CDH12: variants seen among roughly 807,000 people sequenced by gnomAD.
CDH12 encodes cadherin 12, also known as cadherin-12.
A neutral mutation model predicts 74.1 loss-of-function variants in CDH12; 41 were observed. The ratio of observed to expected loss-of-function variants is 0.55; its 90% CI spans 0.43 to 0.72. CDH12 has a LOEUF of 0.72. Among genes scored for constraint, CDH12 ranks in the 30% least tolerant of loss-of-function variants. The probability of loss-of-function intolerance (pLI) is 0.00; values close to 1 mark genes in which losing one functional copy is unlikely to be tolerated. For missense variants in CDH12, 945 were observed against 977.2 expected, an observed-to-expected ratio of 0.97 and a Z score of 0.44; for synonymous variants, 399 against 355.0, an observed-to-expected ratio of 1.12 and a Z score of -1.39.
At chr5:22,562,881 A>T in intron 1 of CDH12, among the ~76,000 whole-genome samples, 1 of 148,450 alleles carries the variant, frequency 6.7e-6, no homozygotes, top group East Asian at 1.9e-4. Flanking sequence ...TATAAATTTA[A>T]ATTTATATAT....
chr5:22,218,568 G>A (rs1056338848), intron 3 of CDH12, among the ~76,000 whole-genome samples: 2 of 151,716 alleles, frequency 1.3e-5, no homozygotes, highest in Non-Finnish European at 3.0e-5. Flanking sequence ...CTGGTTGGAG[G>A]TGAATGAAGT....
chr5:22,756,280 A>T (rs1000507467), intron 1 of CDH12, among the ~76,000 whole-genome samples: 8 of 152,118 alleles, frequency 5.3e-5, no homozygotes, highest in African/African-American at 1.9e-4. Flanking sequence ...CGGTTGTAAC[A>T]AATCCATCGT....
intron 1 of CDH12, among the ~76,000 whole-genome samples, chr5:22,536,862 A>T (rs1484024685): frequency 6.6e-6 from 1 of 152,078 alleles, no homozygotes; most frequent in Non-Finnish European, 1.5e-5. Context: ...CTGCACAAAA[A>T]CTTCTCCTTA....
chr5:22,382,787 C>G (rs1245464712), intron 3 of CDH12, among the ~76,000 whole-genome samples: 1 of 151,760 alleles, frequency 6.6e-6, no homozygotes, highest in Non-Finnish European at 1.5e-5. Flanking sequence ...AGTGTTGAGA[C>G]TGAATCGACC....
intron 1 of CDH12, among the ~76,000 whole-genome samples, chr5:22,690,861 T>G (rs898592428): frequency 2.0e-4 from 30 of 152,270 alleles, no homozygotes; most frequent in African/African-American, 7.2e-4. Flanking sequence ...CTTTTCACTA[T>G]TTCTCATGAG....
chr5:22,505,304 C>T lies in CDH12; in HGVS notation c.-462G>A. 2.0e-6 allele frequency: 2 copies of T among 985,012 alleles called. No individual in the cohort carries two copies. The highest frequency in any genetic ancestry group is 2.4e-6 in the Non-Finnish European group (2 of 829,654). 61.0% of individuals were successfully genotyped at this position (985,012 alleles called of 1,614,324 possible). ...GGCTGGCATTCTTTAAAACTCCCAA[C>T]TGCTCCTGGGTTCCAGCTTGTCTAT... is the stretch of plus-strand genomic sequence containing the variant. On this transcript the variant is annotated 5_prime_UTR_variant, in exon 2 of 15. Transcript: ENST00000382254.
At chr5:22,734,156 G>T (rs1282854930) in intron 1 of CDH12, among the ~76,000 whole-genome samples, 1 of 151,928 alleles carries the variant, frequency 6.6e-6, no homozygotes, top group Non-Finnish European at 1.5e-5. Flanking sequence ...TCCAGCTTCT[G>T]CACAATAGAC....
intron 2 of CDH12, among the ~76,000 whole-genome samples, chr5:22,483,748 C>CTATATATATATATATAACTATATA (rs1746474141): frequency 4.4e-5 from 1 of 22,764 alleles, no homozygotes; most frequent in Non-Finnish European, 9.0e-5. Flanking sequence ...TCTTTCAAAA[C>CTATATATATATATATAACTATATA]TATATATATA....
At chr5:21,765,978 G>T (rs1554027818) in intron 11 of CDH12, among the ~76,000 whole-genome samples, 1 of 152,028 alleles carries the variant, frequency 6.6e-6, no homozygotes, top group Non-Finnish European at 1.5e-5. Flanking sequence ...TAAATGAATG[G>T]GGAGTTTAGA....
At chr5:22,699,270 G>T (rs1026544367) in intron 1 of CDH12, among the ~76,000 whole-genome samples, 2 of 151,926 alleles carry the variant, frequency 1.3e-5, no homozygotes, top group Non-Finnish European at 2.9e-5. Context: ...TTAATGTTGT[G>T]GTTTAACTTA....
chr5:22,767,510 A>G (rs973121203), intron 1 of CDH12, among the ~76,000 whole-genome samples: 4 of 151,914 alleles, frequency 2.6e-5, no homozygotes, highest in Non-Finnish European at 4.4e-5. Flanking sequence ...ACAAAACTCA[A>G]CCCAGTCATA....
rs117696434 is a variant in CDH12, at chr5:22,045,202, G to C, written c.231+33244C>G. Among the ~76,000 whole-genome samples, 201 of 152,210 alleles carry C rather than the reference G, an allele frequency of 1.3e-3. 5 individuals are homozygous for C. In the East Asian group the frequency reaches 0.037, roughly 28 times the overall value. On this transcript the variant is annotated intron_variant, in intron 5 of 14. Coordinates refer to ENST00000382254, the MANE Select transcript of CDH12 (RefSeq NM_004061.5). ...TGTATGTGATGAAATGCTTAATATA[G>C]CTAATCATAAGAGAAAGCAAATCAA...
chr5:21,754,390 T>C (rs1254720812), intron 14 of CDH12, among the ~76,000 whole-genome samples: 2 of 152,164 alleles, frequency 1.3e-5, no homozygotes, highest in Non-Finnish European at 2.9e-5. Flanking sequence ...ACCTAAATGA[T>C]CTTGTTAAAT....
chr5:22,125,082 G>A (rs1418163848), intron 4 of CDH12, among the ~76,000 whole-genome samples: 3 of 151,850 alleles, frequency 2.0e-5, no homozygotes, highest in Non-Finnish European at 2.9e-5. Flanking sequence ...TTCAAGATTC[G>A]GGGTTTGATA....
intron 2 of CDH12, among the ~76,000 whole-genome samples, chr5:22,443,635 G>A (rs189050613): frequency 1.9e-3 from 293 of 151,866 alleles, no homozygotes; most frequent in Non-Finnish European, 3.3e-3. Flanking sequence ...TGATACAAAC[G>A]CATAAAAATA....
intron 5 of CDH12, among the ~76,000 whole-genome samples, chr5:22,032,331 TAA>T (rs1738872655): frequency 6.6e-6 from 1 of 152,132 alleles, no homozygotes; most frequent in Non-Finnish European, 1.5e-5. Context: ...CATTATATAT[TAA>T]GTGTAGGCGA....
At chr5:22,150,168 C>G (rs1747472468) in intron 4 of CDH12, among the ~76,000 whole-genome samples, 1 of 151,910 alleles carries the variant, frequency 6.6e-6, no homozygotes, top group South Asian at 2.1e-4. Flanking sequence ...TATGAATATT[C>G]TGTAGAAAAG....
intron 6 of CDH12, among the ~76,000 whole-genome samples, chr5:21,896,907 T>C (rs1753151325): frequency 6.6e-6 from 1 of 152,158 alleles, no homozygotes; most frequent in Non-Finnish European, 1.5e-5. Flanking sequence ...ATTTAGTATG[T>C]TGCTAGAGAA....
chr5:22,702,199 T>G (rs1742748151), intron 1 of CDH12, among the ~76,000 whole-genome samples: 1 of 152,120 alleles, frequency 6.6e-6, no homozygotes, highest in Admixed American at 6.6e-5. Flanking sequence ...TATTGAATAT[T>G]ATTATACTAG....
Sources: gnomAD v4.1 joint callset for allele counts (sites outside exome capture counted in the v4.1 genomes callset) on GRCh38, gnomAD v4.1.1 for gene constraint, MANE v1.5 for transcripts, NCBI Gene and HGNC (gene_info 2026-07-23, HGNC 2026-07-21) for gene names.